Variants in SPAG16 observed in about 807,000 individuals in gnomAD.
The protein encoded by SPAG16 is sperm-associated antigen 16 protein.
Under a neutral mutation model 80.4 loss-of-function variants are expected in SPAG16, and 86 were observed. The observed-to-expected ratio is 1.07, with a 90% confidence interval of 0.90 to 1.28. SPAG16 has a LOEUF of 1.28. Among genes scored for constraint, SPAG16 ranks in the 50% most tolerant of loss-of-function variants. SPAG16 has a pLI of 0.00. For synonymous variants in SPAG16, 294 were observed against 265.9 expected, an observed-to-expected ratio of 1.11 and a Z score of -1.03; for missense variants, 870 against 765.3, an observed-to-expected ratio of 1.14 and a Z score of -1.61.
chr2:213,729,329 G>A (rs2066926104), intron 10 of SPAG16, among the ~76,000 whole-genome samples: 1 of 152,140 alleles, frequency 6.6e-6, no homozygotes, highest in African/African-American at 2.4e-5. Flanking sequence ...ACCTCTTTGA[G>A]ATTTACTTCC....
At chr2:214,275,453 C>G (rs1289997034) in intron 15 of SPAG16, among the ~76,000 whole-genome samples, 1 of 152,344 alleles carries the variant, frequency 6.6e-6, no homozygotes, top group African/African-American at 2.4e-5. Context: ...TCCCTCTACA[C>G]ACTGCTTTAA....
chr2:213,528,534 T>C (rs559785839), intron 10 of SPAG16, among the ~76,000 whole-genome samples: 2 of 152,250 alleles, frequency 1.3e-5, no homozygotes, highest in Non-Finnish European at 2.9e-5. Context: ...GCCTTCTCAA[T>C]ACAGAATAAT....
rs113330223 is a variant in SPAG16 at position 214,318,100 on chromosome 2, T to C, written c.1721-92040T>C. ...GTTATGATGTAAGATATCAGGATCC[T>C]GGATTCATCAGCATCTAACAAGTTA... On this transcript the variant is annotated intron_variant, in intron 15 of 15. Coordinates refer to ENST00000331683, the MANE Select transcript of SPAG16 (RefSeq NM_024532.5). 5.9e-4 allele frequency among the ~76,000 whole-genome samples: 90 copies of C among 152,334 alleles called. 1 individual carries two copies. In the Middle Eastern group the frequency reaches 0.01, roughly 17 times the overall value.
intron 12 of SPAG16, among the ~76,000 whole-genome samples, chr2:213,945,821 G>A (rs1316020016): frequency 1.3e-5 from 2 of 152,092 alleles, no homozygotes; most frequent in Non-Finnish European, 1.5e-5. Flanking sequence ...CCAGAACTGT[G>A]AGAAATAAAT....
chr2:213,380,919 C>T (rs2067140421), intron 9 of SPAG16, among the ~76,000 whole-genome samples: 2 of 152,164 alleles, frequency 1.3e-5, no homozygotes, highest in African/African-American at 4.8e-5. Context: ...AGTTACCTAC[C>T]CCAATGAAGA....
intron 15 of SPAG16, among the ~76,000 whole-genome samples, chr2:214,386,936 T>C (rs1700794031): frequency 6.6e-6 from 1 of 151,858 alleles, no homozygotes; most frequent in Non-Finnish European, 1.5e-5. Context: ...TGCGTAACTT[T>C]TCTATCTCAG....
At chr2:213,702,379 C>G (rs905688302) in intron 10 of SPAG16, among the ~76,000 whole-genome samples, 2 of 152,208 alleles carry the variant, frequency 1.3e-5, no homozygotes, top group African/African-American at 2.4e-5. Context: ...AATCTTGCTG[C>G]TGCTGTTTGG....
chr2:213,633,065 T>C (rs576653559), intron 10 of SPAG16, among the ~76,000 whole-genome samples: 5 of 152,146 alleles, frequency 3.3e-5, no homozygotes, highest in Non-Finnish European at 5.9e-5. Flanking sequence ...CTTTGAATGT[T>C]TGGTAGAATT....
intron 10 of SPAG16, among the ~76,000 whole-genome samples, chr2:213,509,483 C>T (rs2075129954): frequency 6.6e-6 from 1 of 152,058 alleles, no homozygotes; most frequent in Non-Finnish European, 1.5e-5. Context: ...ATCCATTCAC[C>T]CTTCTACACT....
At chr2:213,460,755 A>AACT (rs2125611314) in intron 9 of SPAG16, among the ~76,000 whole-genome samples, 1 of 152,312 alleles carries the variant, frequency 6.6e-6, no homozygotes, top group Non-Finnish European at 1.5e-5. Flanking sequence ...ATAGTTACAT[A>AACT]ATGCTACGGT....
chr2:214,028,039 C>G lies in SPAG16; in HGVS notation c.1527+13962C>G, dbSNP rs572831780. On this transcript the variant is annotated intron_variant, in intron 13 of 15. Coordinates refer to ENST00000331683, the MANE Select transcript of SPAG16 (RefSeq NM_024532.5). ...CCATCTTCTTAACTGTTTTCTGGAA[C>G]TTTTGGCATCTAGGATTTGCAACAC... 3.2e-4 allele frequency among the ~76,000 whole-genome samples: 49 copies of G among 152,000 alleles called. No individual in the cohort carries two copies. The Middle Eastern group carries it at 0.034, about 106-fold the overall frequency.
intron 15 of SPAG16, among the ~76,000 whole-genome samples, chr2:214,278,319 G>A (rs568851316): frequency 3.3e-5 from 5 of 152,250 alleles, no homozygotes; most frequent in South Asian, 4.2e-4. Flanking sequence ...TTCCTGGGCC[G>A]CACCCACTGT....
At chr2:214,321,054 C>T (rs1696061484) in intron 15 of SPAG16, among the ~76,000 whole-genome samples, 1 of 152,140 alleles carries the variant, frequency 6.6e-6, no homozygotes, top group Non-Finnish European at 1.5e-5. Context: ...GATTGGCATA[C>T]AGTACAGTGA....
At chr2:214,007,971 CCTT>C (rs1440187904) in intron 12 of SPAG16, among the ~76,000 whole-genome samples, 1 of 152,098 alleles carries the variant, frequency 6.6e-6, no homozygotes, top group Non-Finnish European at 1.5e-5. Flanking sequence ...CTCCCTCCCT[CCTT>C]CTCTTCACCC....
chr2:213,434,266 A>T (rs1378092281), intron 9 of SPAG16, among the ~76,000 whole-genome samples: 2 of 152,146 alleles, frequency 1.3e-5, no homozygotes, highest in African/African-American at 4.8e-5. Flanking sequence ...GGATAGCCGG[A>T]TGCAGAAGGA....
chr2:213,919,666 T>A (rs547433703), intron 11 of SPAG16, among the ~76,000 whole-genome samples: 1 of 152,324 alleles, frequency 6.6e-6, no homozygotes, highest in East Asian at 1.9e-4. Flanking sequence ...GTAGTTGATA[T>A]GATTATAGTT....
At chr2:213,707,867 A>T (rs1327966616) in intron 10 of SPAG16, among the ~76,000 whole-genome samples, 1 of 152,144 alleles carries the variant, frequency 6.6e-6, no homozygotes, top group African/African-American at 2.4e-5. Flanking sequence ...GTTTGGTTCC[A>T]TGTGTGATAA....
chr2:214,277,685 C>A (rs1692574931), intron 15 of SPAG16, among the ~76,000 whole-genome samples: 1 of 152,158 alleles, frequency 6.6e-6, no homozygotes, highest in Non-Finnish European at 1.5e-5. Context: ...GAAGCTTCAT[C>A]CCAGAGGGGA....
At chr2:213,995,823 A>C (rs2124827694) in intron 12 of SPAG16, among the ~76,000 whole-genome samples, 1 of 152,284 alleles carries the variant, frequency 6.6e-6, no homozygotes, top group East Asian at 1.9e-4. Context: ...CTCTCAGATG[A>C]ATCCTGTGGT....
Sources: gnomAD v4.1 joint callset for allele counts (sites outside exome capture counted in the v4.1 genomes callset) on GRCh38, gnomAD v4.1.1 for gene constraint, MANE v1.5 for transcripts, NCBI Gene and HGNC (gene_info 2026-07-23, HGNC 2026-07-21) for gene names.